METTL16: variants seen among roughly 807,000 people sequenced by gnomAD.
The protein encoded by METTL16 is methyltransferase 16, RNA N6-adenosine.
A neutral mutation model predicts 57.9 loss-of-function variants in METTL16; 19 were observed. That is an observed-to-expected ratio of 0.33 (90% CI 0.23 to 0.48). The LOEUF (loss-of-function observed/expected upper bound fraction) is 0.48. Among genes scored for constraint, METTL16 ranks in the 20% least tolerant of loss-of-function variants. The pLI, the probability that METTL16 is intolerant of heterozygous loss-of-function variation, is 0.99. For missense variants in METTL16, 434 were observed against 691.5 expected (o/e 0.63, Z 4.18); for synonymous variants, 246 against 255.6 (o/e 0.96, Z 0.36).
intron 2 of METTL16, among the ~76,000 whole-genome samples, chr17:2,501,410 C>T (rs1386725677): frequency 2.0e-5 from 3 of 152,162 alleles, no homozygotes; most frequent in African/African-American, 7.2e-5. Context: ...GCTTGGGCAA[C>T]AGAGCAAGAT....
chr17:2,481,058 G>A (rs1375948795), intron 2 of METTL16, among the ~76,000 whole-genome samples: 1 of 151,952 alleles, frequency 6.6e-6, no homozygotes, highest in Non-Finnish European at 1.5e-5. Flanking sequence ...ACAAAAATTA[G>A]CCAAGCATAG....
chr17:2,447,632 C>T (rs2067014308), intron 6 of METTL16, among the ~76,000 whole-genome samples: 1 of 114,566 alleles, frequency 8.7e-6, no homozygotes, highest in Non-Finnish European at 1.8e-5. Flanking sequence ...TGAGGGGCGC[C>T]TCTGCCCGGC....
intron 6 of METTL16, among the ~76,000 whole-genome samples, chr17:2,444,059 TGTTA>T (rs140832295): frequency 0.032 from 4,927 of 152,268 alleles, 288 homozygotes; most frequent in African/African-American, 0.11. Context: ...GTGAGGCATA[TGTTA>T]GTTAGTTTGA....
At chr17:2,428,245 AT>A (rs2066834418) in intron 8 of METTL16, among the ~76,000 whole-genome samples, 1 of 151,978 alleles carries the variant, frequency 6.6e-6, no homozygotes, top group Non-Finnish European at 1.5e-5. Flanking sequence ...CCTGGGAGAA[AT>A]GGTTGATTCC....
intron 6 of METTL16, among the ~76,000 whole-genome samples, chr17:2,454,779 A>G (rs1315575949): frequency 6.6e-6 from 1 of 151,168 alleles, no homozygotes; most frequent in Admixed American, 6.6e-5. Flanking sequence ...GGCCAGGCTG[A>G]TCTTGAACTC....
rs201712569 is a variant in METTL16, at chr17:2,499,454, G to A, written c.128+2750C>T. ...GTAGCTGGGACTACAGATGCACAGTGTTGCACCCCACTAAAATGGTATCTT... is the reference window on the plus strand; with the variant it reads ...GTAGCTGGGACTACAGATGCACAGTATTGCACCCCACTAAAATGGTATCTT... On this transcript the variant is annotated intron_variant, in intron 2 of 9. Transcript: ENST00000263092. Among the ~76,000 whole-genome samples the A allele has an allele frequency of 3.3e-5, 5 of 149,672 alleles. No individual in the cohort carries two copies. The East Asian group carries it at 9.9e-4, about 30-fold the overall frequency.
At chr17:2,491,687 A>G (rs192216049) in intron 2 of METTL16, among the ~76,000 whole-genome samples, 218 of 151,674 alleles carry the variant, frequency 1.4e-3, no homozygotes, top group South Asian at 8.7e-3. Flanking sequence ...CATCCTGGCT[A>G]ACACGGTGAA....
intron 8 of METTL16, among the ~76,000 whole-genome samples, chr17:2,437,263 G>A (rs763555383): frequency 3.3e-5 from 5 of 152,070 alleles, no homozygotes; most frequent in Non-Finnish European, 5.9e-5. Flanking sequence ...CTATCACCCA[G>A]CTTCAAAAAT....
intron 6 of METTL16, among the ~76,000 whole-genome samples, chr17:2,455,534 C>T (rs771421593): frequency 1.1e-4 from 16 of 152,238 alleles, no homozygotes; most frequent in African/African-American, 3.4e-4. Flanking sequence ...GCTAGCTCAC[C>T]GTGGCGCAAG....
chr17:2,447,461 C>G (rs1310617064), intron 6 of METTL16, among the ~76,000 whole-genome samples: 1 of 116,192 alleles, frequency 8.6e-6, no homozygotes, highest in East Asian at 2.3e-4. Flanking sequence ...GGGGGGTCAG[C>G]CCCCCGCCCG....
chr17:2,444,356 AG>A (rs539601852), intron 6 of METTL16, among the ~76,000 whole-genome samples: 97 of 152,246 alleles, frequency 6.4e-4, no homozygotes, highest in African/African-American at 2.2e-3. Context: ...AGGCTGACGC[AG>A]GAAAATAGCT....
chr17:2,460,434 G>A (rs2067141261), intron 6 of METTL16: 1 of 152,146 alleles, frequency 6.6e-6, no homozygotes, highest in African/African-American at 2.4e-5. Context: ...CCTTAGAATG[G>A]TGTTCTATTC....
In METTL16 at chr17:2,418,318, T is replaced by A. The variant is rs576940492; in HGVS notation, c.*1652A>T. 1 of 151,100 alleles carries A rather than the reference T, an allele frequency of 6.6e-6. No individual in the cohort carries two copies. Among genetic ancestry groups the A allele is most frequent in the East Asian group, 1.9e-4 (1 of 5,130 alleles). 9.4% of individuals were successfully genotyped at this position (151,100 alleles called of 1,614,324 possible). ...AAGAACACTGGTCAGAGGCTGGGAG[T>A]AGTGGCTCACGGCTGTAATCCCAGC... On this transcript the variant is annotated 3_prime_UTR_variant, in exon 10 of 10. Transcript: ENST00000263092.
intron 2 of METTL16, among the ~76,000 whole-genome samples, chr17:2,485,174 T>C (rs1427648730): frequency 1.3e-5 from 2 of 152,114 alleles, no homozygotes; most frequent in African/African-American, 4.8e-5. Flanking sequence ...CACAGGAGCG[T>C]GAACCCTCCT....
At position 2,464,270 on chromosome 17, in the gene METTL16, T is replaced by G; in HGVS notation, c.666A>C (p.Gly222=). 3 of 1,614,086 alleles carry G rather than the reference T, an allele frequency of 1.9e-6. No individual in the cohort carries two copies. The highest frequency in any genetic ancestry group is 2.5e-6 in the Non-Finnish European group (3 of 1,179,990). Residue 222 remains glycine (G), a synonymous_variant, in exon 6 of 10, where the codon GGA becomes GGC. Transcript: ENST00000263092. ...TCCTTTTAACAAACTCTAATTCACC[T>G]CCTTCTGCCATGATCTCTGTGATGC... is the stretch of plus-strand genomic sequence containing the variant. The part of the protein sequence containing the change: ...TGGITEIMAE[G]GELEFVKRII...
intron 6 of METTL16, among the ~76,000 whole-genome samples, chr17:2,448,802 T>TTTAAA (rs1555617301): frequency 2.3e-5 from 1 of 43,642 alleles, no homozygotes; most frequent in Admixed American, 2.4e-4. Context: ...AAATAAAATT[T>TTTAAA]AAAAAAAAAA....
At chr17:2,499,103 T>C (rs1465509577) in intron 2 of METTL16, among the ~76,000 whole-genome samples, 1 of 151,648 alleles carries the variant, frequency 6.6e-6, no homozygotes, top group Non-Finnish European at 1.5e-5. Flanking sequence ...GTGATCCCAC[T>C]GCACATCCCC....
At chr17:2,449,311 C>G (rs1824946178) in intron 6 of METTL16, among the ~76,000 whole-genome samples, 1 of 152,168 alleles carries the variant, frequency 6.6e-6, no homozygotes, top group Admixed American at 6.5e-5. Flanking sequence ...CATACATTTT[C>G]ATGAAAATTG....
intron 1 of METTL16, among the ~76,000 whole-genome samples, chr17:2,507,509 G>A (rs1394830934): frequency 2.7e-5 from 4 of 147,806 alleles, no homozygotes; most frequent in Non-Finnish European, 4.5e-5. Context: ...AGGTGGGGGG[G>A]TCAGCCCCCC....
Sources: gnomAD v4.1 joint callset for allele counts (sites outside exome capture counted in the v4.1 genomes callset) on GRCh38, gnomAD v4.1.1 for gene constraint, MANE v1.5 for transcripts, NCBI Gene and HGNC (gene_info 2026-07-23, HGNC 2026-07-21) for gene names.